The following CEP170 variants were observed in gnomAD, a reference collection of about 807,000 sequenced individuals.
CEP170 encodes centrosomal protein 170.
Under a neutral mutation model 151.9 loss-of-function variants are expected in CEP170, and 21 were observed. The observed-to-expected ratio is 0.14, with a 90% CI of 0.10 to 0.20. The LOEUF (loss-of-function observed/expected upper bound fraction) is 0.20, where lower values mean the gene tolerates loss of function less well. Ranked by LOEUF, CEP170 falls within the 10% of genes least tolerant of loss-of-function variation. The pLI, the probability that CEP170 is intolerant of heterozygous loss-of-function variation, is 1.00. For synonymous variants in CEP170, 356 were observed against 648.8 expected, an observed-to-expected ratio of 0.55 and a Z score of 6.86; for missense variants, 964 against 1,892.9, an observed-to-expected ratio of 0.51 and a Z score of 9.11.
intron 1 of CEP170, among the ~76,000 whole-genome samples, chr1:243,242,462 C>T (rs1400045886): frequency 6.6e-6 from 1 of 152,154 alleles, no homozygotes; most frequent in Non-Finnish European, 1.5e-5. Flanking sequence ...ACATGATCTA[C>T]CTGCCTCGGC....
At chr1:243,132,375 G>C (rs548275426) in intron 17 of CEP170, among the ~76,000 whole-genome samples, 4 of 152,040 alleles carry the variant, frequency 2.6e-5, no homozygotes, top group African/African-American at 9.7e-5. Context: ...TCTATTATAC[G>C]CTATCTTGTA....
chr1:243,211,600 T>C (rs1486581311), intron 4 of CEP170: 4 of 270,826 alleles, frequency 1.5e-5, no homozygotes, highest in Non-Finnish European at 2.8e-5. Context: ...CATTCTTTGA[T>C]GCTCAAATTA....
intron 14 of CEP170, among the ~76,000 whole-genome samples, chr1:243,146,681 A>C (rs2247527): frequency 0.61 from 91,390 of 150,176 alleles, 29,397 homozygotes; most frequent in African/African-American, 0.84. Context: ...AAAAAAAAAA[A>C]CCCGAGATAT....
chr1:243,174,838 C>A (rs191681313), intron 10 of CEP170, among the ~76,000 whole-genome samples: 2,408 of 152,300 alleles, frequency 0.016, 30 homozygotes, highest in Middle Eastern at 0.024. Context: ...CTACCTTTAA[C>A]CCCCACTTGT....
chr1:243,214,122 C>G (rs1486358287), intron 3 of CEP170, among the ~76,000 whole-genome samples: 1 of 151,978 alleles, frequency 6.6e-6, no homozygotes, highest in African/African-American at 2.4e-5. Flanking sequence ...ATTCTCAACA[C>G]AAGTATCTAT....
At chr1:243,172,170 A>G (rs2058894836) in intron 11 of CEP170, among the ~76,000 whole-genome samples, 1 of 152,206 alleles carries the variant, frequency 6.6e-6, no homozygotes, top group East Asian at 1.9e-4. Context: ...CTGAAACCTA[A>G]TATTTTCCTC....
chr1:243,251,546 C>A (rs2065940367), intron 1 of CEP170, among the ~76,000 whole-genome samples: 1 of 151,978 alleles, frequency 6.6e-6, no homozygotes, highest in Admixed American at 6.6e-5. Flanking sequence ...ACACACACAC[C>A]ACACACACAT....
rs1363140129 is a variant in CEP170, at chr1:243,186,362, C to T, written c.1169G>A (p.Cys390Tyr). 33 of 1,613,554 alleles carry T rather than the reference C, an allele frequency of 2.0e-5. No homozygotes were observed. Among genetic ancestry groups the T allele is most frequent in the Non-Finnish European group, 2.6e-5 (31 of 1,179,684 alleles). The part of the protein sequence containing the change: ...DSENAGAHRR[C>Y]SKRATLEEHL... ...TTCCTCAAGAGTTGCACGTTTGCTA[C>T]AGCGCCTGTGAGCCCCAGCGTTCTC... Residue 390 changes from cysteine to tyrosine, a missense_variant, in exon 9 of 20, where the codon TGT (cysteine) becomes TAT (tyrosine). Coordinates refer to ENST00000366542, the MANE Select transcript of CEP170 (RefSeq NM_014812.3).
At chr1:243,222,407 CT>C (rs1295979183) in intron 2 of CEP170, among the ~76,000 whole-genome samples, 1 of 152,138 alleles carries the variant, frequency 6.6e-6, no homozygotes, top group Non-Finnish European at 1.5e-5. Flanking sequence ...TTGAAAATTG[CT>C]TTTAAGTTTC....
chr1:243,206,196 C>T (rs1235198674), intron 4 of CEP170, among the ~76,000 whole-genome samples: 1 of 152,158 alleles, frequency 6.6e-6, no homozygotes, highest in Non-Finnish European at 1.5e-5. Flanking sequence ...TGCAGAGGTA[C>T]GATCTTGGCT....
intron 1 of CEP170, among the ~76,000 whole-genome samples, chr1:243,230,630 G>T (rs1159679173): frequency 1.3e-5 from 2 of 152,076 alleles, no homozygotes; most frequent in Non-Finnish European, 2.9e-5. Flanking sequence ...TCAATAGAGG[G>T]GCTCAAAAGC....
At position 243,221,728 on chromosome 1, in the gene CEP170, T is replaced by C; in HGVS notation, c.191A>G (p.Asn64Ser). 2 of 1,611,300 alleles carry C rather than the reference T, an allele frequency of 1.2e-6. No individual in the cohort carries two copies. The highest frequency in any genetic ancestry group is 1.7e-6 in the Non-Finnish European group (2 of 1,178,862). Reference protein sequence around the residue: ...EHLVKDLGSLNGTFVNDVRIP... With the variant: ...EHLVKDLGSLSGTFVNDVRIP... ...AAAAATAAACCATTGACTTACCCCA[T>C]TGAGGCTGCCCAAATCCTTCACTAA... Residue 64 changes from asparagine (N) to serine (S), a missense_variant, in exon 3 of 20, where the codon AAT (asparagine) becomes AGT (serine). Physicochemically the swap from Asn to Ser is conservative, Grantham distance 46. Transcript: ENST00000366542.
Position 243,126,673 on chromosome 1 carries a change from C to A in CEP170, c.4531G>T (p.Ala1511Ser), listed in dbSNP as rs773797487. Residue 1511 changes from alanine (A) to serine (S), a missense_variant, in exon 20 of 20, where the codon GCT becomes TCT. Coordinates refer to ENST00000366542, the MANE Select transcript of CEP170 (RefSeq NM_014812.3). Reference sequence around the variant, plus strand: ...TGTTTCGGTGGAGATGGCAACATAGCACTGGGAAATCCCATGTTGTTCAGA... The same window carrying A: ...TGTTTCGGTGGAGATGGCAACATAGAACTGGGAAATCCCATGTTGTTCAGA... ...EALNNMGFPS[A>S]MLPSPPKQKS... The A allele has an allele frequency of 3.9e-6, 6 of 1,552,612 alleles. No homozygotes were observed. In the East Asian group the frequency reaches 1.4e-4, roughly 37 times the overall value.
In CEP170 at chr1:243,169,721, C is replaced by A; in HGVS notation, c.1750G>T (p.Val584Phe). ...GTSSSGSKRW[V>F]SQWASLAANH... is the part of the protein sequence containing the mutation. Reference sequence around the variant, plus strand: ...GCAGCCAAACTAGCCCACTGTGAAACCCAACGTTTGCTTCCAGATGAAGAT... The same window carrying A: ...GCAGCCAAACTAGCCCACTGTGAAAACCAACGTTTGCTTCCAGATGAAGAT... Residue 584 changes from valine (V) to phenylalanine (F), a missense_variant, in exon 12 of 20, where the codon GTT (valine) becomes TTT (phenylalanine). Transcript: ENST00000366542. The A allele has an allele frequency of 6.2e-7, 1 of 1,613,562 alleles. No homozygotes were observed. Among genetic ancestry groups the A allele is most frequent in the African/African-American group, 1.3e-5 (1 of 75,034 alleles).
At chr1:243,252,254 C>T (rs1277778794) in intron 1 of CEP170, among the ~76,000 whole-genome samples, 1 of 152,114 alleles carries the variant, frequency 6.6e-6, no homozygotes, top group Non-Finnish European at 1.5e-5. Flanking sequence ...AATTAAATAT[C>T]AGGTTGTCTG....
At chr1:243,217,020 C>T (rs778032041) in intron 3 of CEP170, among the ~76,000 whole-genome samples, 3 of 152,190 alleles carry the variant, frequency 2.0e-5, no homozygotes, top group African/African-American at 4.8e-5. Flanking sequence ...AGTACTTACA[C>T]AAACCTAGAT....
chr1:243,128,457 T>C (rs2053970193), intron 18 of CEP170, 157 bp from the exon 19 acceptor site: 3 of 523,126 alleles, frequency 5.7e-6, no homozygotes, highest in Admixed American at 4.3e-5. Flanking sequence ...AATTATGATA[T>C]CTAGCAAACA....
chr1:243,187,898 G>A (rs2060038667), intron 8 of CEP170, among the ~76,000 whole-genome samples: 1 of 152,172 alleles, frequency 6.6e-6, no homozygotes, highest in Non-Finnish European at 1.5e-5. Flanking sequence ...AAATGAAGGT[G>A]ATTTGGAGAT....
chr1:243,144,505 C>T (rs1401978276), intron 14 of CEP170, among the ~76,000 whole-genome samples: 1 of 152,098 alleles, frequency 6.6e-6, no homozygotes, highest in African/African-American at 2.4e-5. Flanking sequence ...CCTTGCAATT[C>T]CCCAAAATAA....
Sources: allele counts gnomAD v4.1 joint callset (sites outside exome capture counted in the v4.1 genomes callset), GRCh38; gene constraint gnomAD v4.1.1; transcripts MANE v1.5; gene names NCBI Gene and HGNC (gene_info 2026-07-23, HGNC 2026-07-21).